DPYD: variants seen among roughly 807,000 people sequenced by gnomAD.
DPYD encodes the protein dihydropyrimidine dehydrogenase, also known as dihydropyrimidine dehydrogenase [NADP(+)].
A neutral mutation model predicts 116.2 loss-of-function variants in DPYD; 109 were observed. That is an observed-to-expected ratio of 0.94 (90% CI 0.80 to 1.10). The LOEUF (loss-of-function observed/expected upper bound fraction) is 1.10. Ranked by LOEUF, DPYD falls within the 50% of genes least tolerant of loss-of-function variation. The pLI is 0.00. For synonymous variants in DPYD, 440 were observed against 432.0 expected, an observed-to-expected ratio of 1.02 and a Z score of -0.23; for missense variants, 1,302 against 1,254.5, an observed-to-expected ratio of 1.04 and a Z score of -0.57.
chr1:97,164,797 C>G (rs1656193796), intron 20 of DPYD, among the ~76,000 whole-genome samples: 1 of 151,876 alleles, frequency 6.6e-6, no homozygotes, highest in Non-Finnish European at 1.5e-5. Flanking sequence ...AACGGGAAAA[C>G]ATTCCATGCT....
At chr1:97,510,896 C>T (rs1647742272) in intron 13 of DPYD, among the ~76,000 whole-genome samples, 3 of 152,026 alleles carry the variant, frequency 2.0e-5, no homozygotes, top group South Asian at 2.1e-4. Context: ...AAACCAGCCA[C>T]CTTGATAAGA....
chr1:97,191,154 C>A (rs1658329001), intron 20 of DPYD, among the ~76,000 whole-genome samples: 1 of 151,656 alleles, frequency 6.6e-6, no homozygotes, highest in Non-Finnish European at 1.5e-5. Context: ...GAATGATGCA[C>A]ATGTACCCTA....
At chr1:97,635,621 G>A (rs912572144) in intron 8 of DPYD, among the ~76,000 whole-genome samples, 1 of 152,096 alleles carries the variant, frequency 6.6e-6, no homozygotes, top group Non-Finnish European at 1.5e-5. Context: ...CAAGGGCAGG[G>A]AATACGTCTG....
intron 18 of DPYD, among the ~76,000 whole-genome samples, chr1:97,252,411 T>C (rs906115455): frequency 6.6e-6 from 1 of 152,242 alleles, no homozygotes; most frequent in African/African-American, 2.4e-5. Context: ...CAAAATGTGA[T>C]GCATATATTT....
chr1:97,828,200 C>T lies in DPYD; in HGVS notation c.151-4G>A, dbSNP rs1206103773. 6.2e-7 allele frequency: 1 copy of T among 1,612,496 alleles called. No homozygotes were observed. Among genetic ancestry groups the T allele is most frequent in the Non-Finnish European group, 8.5e-7 (1 of 1,179,440 alleles). ...TATTCTCCAGCTTCTCACAATTCTG[C>T]AACATATTTAAAAATTGCATTAATT... is the stretch of plus-strand genomic sequence containing the variant. On this transcript the variant is annotated splice_polypyrimidine_tract_variant and splice_region_variant and intron_variant, in intron 2 of 22. Coordinates refer to ENST00000370192, the MANE Select transcript of DPYD (RefSeq NM_000110.4).
chr1:97,098,088 T>G (rs1165170917), intron 21 of DPYD, among the ~76,000 whole-genome samples: 1 of 152,116 alleles, frequency 6.6e-6, no homozygotes. Flanking sequence ...TTCCAAAACT[T>G]TCAAGTGATC....
intron 20 of DPYD, among the ~76,000 whole-genome samples, chr1:97,173,719 G>A (rs1657054564): frequency 6.7e-6 from 1 of 150,040 alleles, no homozygotes; most frequent in Non-Finnish European, 1.5e-5. Flanking sequence ...TTCTGAGGCA[G>A]GGATATGTAA....
At chr1:97,843,557 T>A in intron 2 of DPYD, among the ~76,000 whole-genome samples, 1 of 152,162 alleles carries the variant, frequency 6.6e-6, no homozygotes, top group African/African-American at 2.4e-5. Context: ...AAGTTAGAAA[T>A]GTGAACTTGG....
Position 97,518,648 on chromosome 1 carries a change from A to G in DPYD, c.1525-2707T>C, listed in dbSNP as rs116383764. ...TTTTATCTCATCATATTCCCTCCTAACAAATATGTTATTTAGATTTTCAAT... is the reference window on the plus strand; with the variant it reads ...TTTTATCTCATCATATTCCCTCCTAGCAAATATGTTATTTAGATTTTCAAT... On this transcript the variant is annotated intron_variant, in intron 12 of 22. Coordinates refer to ENST00000370192, the MANE Select transcript of DPYD (RefSeq NM_000110.4). Among the ~76,000 whole-genome samples, 821 of 152,130 alleles carry G rather than the reference A, an allele frequency of 5.4e-3. 12 individuals carry two copies. Among genetic ancestry groups the G allele is most frequent in the African/African-American group, 0.019 (783 of 41,516 alleles).
chr1:97,137,016 A>C (rs1449987880), intron 20 of DPYD, among the ~76,000 whole-genome samples: 1 of 152,204 alleles, frequency 6.6e-6, no homozygotes, highest in East Asian at 1.9e-4. Context: ...GCTAAAGCTG[A>C]CCACCTATTA....
At chr1:97,389,200 C>T (rs908175610) in intron 14 of DPYD, among the ~76,000 whole-genome samples, 14 of 151,122 alleles carry the variant, frequency 9.3e-5, no homozygotes, top group African/African-American at 3.4e-4. Context: ...CCCAGCTACT[C>T]AGGAGGCTGA....
At chr1:97,212,968 T>A (rs552208695) in intron 19 of DPYD, among the ~76,000 whole-genome samples, 29 of 152,246 alleles carry the variant, frequency 1.9e-4, no homozygotes, top group African/African-American at 5.8e-4. Flanking sequence ...AACATTCATT[T>A]CTCACAGTTT....
chr1:97,128,119 T>C (rs544027495), intron 20 of DPYD, among the ~76,000 whole-genome samples: 65 of 152,300 alleles, frequency 4.3e-4, no homozygotes, highest in African/African-American at 1.5e-3. Context: ...TAAATAATTC[T>C]GATTAAATGA....
intron 13 of DPYD, among the ~76,000 whole-genome samples, chr1:97,498,720 G>T (rs1679409587): frequency 6.6e-6 from 1 of 151,456 alleles, no homozygotes; most frequent in Non-Finnish European, 1.5e-5. Flanking sequence ...CATGACTTTT[G>T]AATACAATGT....
intron 3 of DPYD, among the ~76,000 whole-genome samples, chr1:97,769,474 A>G (rs924008685): frequency 3.3e-5 from 5 of 152,178 alleles, no homozygotes; most frequent in Non-Finnish European, 7.4e-5. Flanking sequence ...TTAAATAATT[A>G]TAAGATGATT....
At position 97,355,851 on chromosome 1, in the gene DPYD, A is replaced by G. The variant is rs139975565; in HGVS notation, c.2058+17710T>C. Reference sequence around the variant, plus strand: ...GCTGATAGACACTTAGGTTGATTCCATAAGTTGCCTATTGTGAATAGTACT... The same window carrying G: ...GCTGATAGACACTTAGGTTGATTCCGTAAGTTGCCTATTGTGAATAGTACT... On this transcript the variant is annotated intron_variant, in intron 16 of 22. Transcript: ENST00000370192. Among the ~76,000 whole-genome samples, 170 of 152,314 alleles carry G rather than the reference A, an allele frequency of 1.1e-3. 1 individual carries two copies. The highest frequency in any genetic ancestry group is 3.8e-3 in the African/African-American group (158 of 41,574).
intron 3 of DPYD, among the ~76,000 whole-genome samples, chr1:97,810,192 C>T (rs1047839553): frequency 4.2e-4 from 60 of 144,544 alleles, no homozygotes; most frequent in East Asian, 1.7e-3. Flanking sequence ...GAGGCTGAGG[C>T]AGGAGAATGG....
At chr1:97,195,819 G>A (rs559939580) in intron 19 of DPYD, among the ~76,000 whole-genome samples, 85 of 150,842 alleles carry the variant, frequency 5.6e-4, no homozygotes, top group Non-Finnish European at 8.1e-4. Flanking sequence ...GGGACACCGA[G>A]CAGAAGAGAT....
At chr1:97,829,656 A>T (rs1346403326) in intron 2 of DPYD, among the ~76,000 whole-genome samples, 1 of 152,186 alleles carries the variant, frequency 6.6e-6, no homozygotes, top group African/African-American at 2.4e-5. Flanking sequence ...GACCATTAAG[A>T]AAAAATACAC....
Sources: gnomAD v4.1 joint callset for allele counts (sites outside exome capture counted in the v4.1 genomes callset) on GRCh38, gnomAD v4.1.1 for gene constraint, MANE v1.5 for transcripts, NCBI Gene and HGNC (gene_info 2026-07-23, HGNC 2026-07-21) for gene names.